Variants in ZNF385B observed in about 807,000 individuals in gnomAD.
ZNF385B encodes the protein zinc finger protein 533.
A neutral mutation model predicts 39.2 loss-of-function variants in ZNF385B; 23 were observed. The ratio of observed to expected loss-of-function variants is 0.59; its 90% CI spans 0.42 to 0.83. ZNF385B has a LOEUF of 0.83. ZNF385B is among the 40% of genes least tolerant of loss of function. The pLI is 0.00. For missense variants in ZNF385B, 552 were observed against 598.9 expected, an observed-to-expected ratio of 0.92 and a Z score of 0.82; for synonymous variants, 205 against 222.6, an observed-to-expected ratio of 0.92 and a Z score of 0.70.
At chr2:179,532,396 G>A (rs186368271) in intron 4 of ZNF385B, among the ~76,000 whole-genome samples, 56 of 152,112 alleles carry the variant, frequency 3.7e-4, no homozygotes, top group African/African-American at 1.3e-3. Context: ...CCATGGATAC[G>A]GCACCAAGAA....
At chr2:179,629,131 C>G (rs189067476) in intron 3 of ZNF385B, among the ~76,000 whole-genome samples, 2 of 152,122 alleles carry the variant, frequency 1.3e-5, no homozygotes, top group Admixed American at 1.3e-4. Flanking sequence ...ATTTCCAGAC[C>G]CAGTCCTAGA....
intron 3 of ZNF385B, among the ~76,000 whole-genome samples, chr2:179,550,358 T>C (rs377127767): frequency 6.7e-6 from 1 of 149,174 alleles, no homozygotes; most frequent in South Asian, 2.1e-4. Context: ...CCAAATCAAA[T>C]AGAATGCAAC....
At chr2:179,537,742 A>AAAAC (rs975600820) in intron 4 of ZNF385B, among the ~76,000 whole-genome samples, 248 of 144,924 alleles carry the variant, frequency 1.7e-3, no homozygotes, top group South Asian at 4.9e-3. Flanking sequence ...CTCTGTCTCA[A>AAAAC]AAACAAACAA....
intron 3 of ZNF385B, among the ~76,000 whole-genome samples, chr2:179,731,501 C>T (rs1187891509): frequency 6.6e-5 from 10 of 152,212 alleles, no homozygotes; most frequent in Admixed American, 4.6e-4. Flanking sequence ...CACTGCAGAG[C>T]GCAAATCAAC....
intron 3 of ZNF385B, among the ~76,000 whole-genome samples, chr2:179,623,631 T>C (rs1690410248): frequency 6.6e-6 from 1 of 152,120 alleles, no homozygotes; most frequent in Non-Finnish European, 1.5e-5. Flanking sequence ...GGTGCAACTG[T>C]GGTAGGCAGT....
At chr2:179,718,693 T>C (rs1244691100) in intron 3 of ZNF385B, among the ~76,000 whole-genome samples, 2 of 150,886 alleles carry the variant, frequency 1.3e-5, no homozygotes, top group Non-Finnish European at 3.0e-5. Context: ...CTTCTACATA[T>C]ATCATTTCTT....
intron 3 of ZNF385B, among the ~76,000 whole-genome samples, chr2:179,625,931 T>C (rs1343582225): frequency 2.0e-5 from 3 of 152,064 alleles, no homozygotes; most frequent in Non-Finnish European, 4.4e-5. Context: ...TCCTAATGCC[T>C]AGGCAGTACC....
At chr2:179,634,922 G>T (rs1691592137) in intron 3 of ZNF385B, among the ~76,000 whole-genome samples, 1 of 145,984 alleles carries the variant, frequency 6.9e-6, no homozygotes, top group South Asian at 2.1e-4. Flanking sequence ...AAGGTCAGGA[G>T]ATTCAGACCT....
intron 4 of ZNF385B, among the ~76,000 whole-genome samples, chr2:179,537,431 TTCTC>T (rs1372436848): frequency 6.6e-6 from 1 of 151,916 alleles, no homozygotes; most frequent in Non-Finnish European, 1.5e-5. Flanking sequence ...TACATACTTT[TTCTC>T]TCTGTCAAAT....
At chr2:179,671,513 G>C (rs1695997971) in intron 3 of ZNF385B, among the ~76,000 whole-genome samples, 1 of 152,228 alleles carries the variant, frequency 6.6e-6, no homozygotes, top group South Asian at 2.1e-4. Flanking sequence ...TGAGTCAGCT[G>C]TCTAAACAAA....
chr2:179,587,458 T>C (rs1002959543), intron 3 of ZNF385B, among the ~76,000 whole-genome samples: 1 of 152,210 alleles, frequency 6.6e-6, no homozygotes, highest in Non-Finnish European at 1.5e-5. Flanking sequence ...GTTTGTCCTT[T>C]TCGTTCATGA....
chr2:179,859,051 A>AT (rs1000114177), intron 1 of ZNF385B, among the ~76,000 whole-genome samples: 25 of 151,854 alleles, frequency 1.6e-4, no homozygotes, highest in East Asian at 1.2e-3. Flanking sequence ...GTTTTGAAAG[A>AT]TTTTTTTTTC....
intron 3 of ZNF385B, among the ~76,000 whole-genome samples, chr2:179,683,163 G>A (rs1468860684): frequency 2.0e-5 from 3 of 151,992 alleles, no homozygotes; most frequent in Non-Finnish European, 2.9e-5. Flanking sequence ...CGAGGCGGGC[G>A]GATCACCTGA....
intron 6 of ZNF385B, among the ~76,000 whole-genome samples, chr2:179,455,394 C>T (rs1242208449): frequency 6.6e-6 from 1 of 151,948 alleles, no homozygotes; most frequent in Non-Finnish European, 1.5e-5. Flanking sequence ...CTCCATGCTG[C>T]TGGTTCTCAT....
chr2:179,577,396 TAA>T (rs1685956507), intron 3 of ZNF385B, among the ~76,000 whole-genome samples: 1 of 152,146 alleles, frequency 6.6e-6, no homozygotes, highest in African/African-American at 2.4e-5. Context: ...CACTGAAACA[TAA>T]AGTTTCTCTA....
At chr2:179,696,530 G>A (rs1365442311) in intron 3 of ZNF385B, among the ~76,000 whole-genome samples, 1 of 151,554 alleles carries the variant, frequency 6.6e-6, no homozygotes, top group African/African-American at 2.4e-5. Context: ...GAAATGGCTA[G>A]GAAAATGTCT....
Position 179,856,017 on chromosome 2 carries a change from A to T in ZNF385B, c.-155+5084T>A, listed in dbSNP as rs187713896. 2.6e-5 allele frequency among the ~76,000 whole-genome samples: 4 copies of T among 152,290 alleles called. No individual in the cohort carries two copies. In the East Asian group the frequency reaches 7.7e-4, roughly 29 times the overall value. On this transcript the variant is annotated intron_variant, in intron 1 of 9. Coordinates refer to ENST00000410066, the MANE Select transcript of ZNF385B (RefSeq NM_152520.6). The stretch of plus-strand genomic sequence containing the variant: ...ACACTGCCTTTACAGACCAGGTACT[A>T]TAGTTCTCCATCCAGGCTGGAAAGG...
chr2:179,643,704 T>C (rs1292912529), intron 3 of ZNF385B, among the ~76,000 whole-genome samples: 1 of 151,864 alleles, frequency 6.6e-6, no homozygotes, highest in Non-Finnish European at 1.5e-5. Context: ...TTGCCAAGGG[T>C]GAGGGATGGA....
intron 5 of ZNF385B, among the ~76,000 whole-genome samples, chr2:179,484,088 T>C (rs1344906520): frequency 3.3e-5 from 5 of 152,178 alleles, no homozygotes; most frequent in African/African-American, 1.2e-4. Context: ...TTGTTAGTGT[T>C]AAATTCATTT....
Sources: gnomAD v4.1 joint callset for allele counts (sites outside exome capture counted in the v4.1 genomes callset) on GRCh38, gnomAD v4.1.1 for gene constraint, MANE v1.5 for transcripts, NCBI Gene and HGNC (gene_info 2026-07-23, HGNC 2026-07-21) for gene names.